GFRA3: variants seen among roughly 807,000 people sequenced by gnomAD.
GFRA3 encodes GDNF family receptor alpha-3.
A neutral mutation model predicts 40.0 loss-of-function variants in GFRA3; 24 were observed. The ratio of observed to expected loss-of-function variants is 0.60; its 90% CI spans 0.43 to 0.84. The LOEUF is 0.84. GFRA3 is among the 40% of genes least tolerant of loss of function. GFRA3 has a pLI of 0.00. For missense variants in GFRA3, 405 were observed against 530.6 expected (o/e 0.76, Z 2.33); for synonymous variants, 203 against 213.5 (o/e 0.95, Z 0.43).
intron 1 of GFRA3, among the ~76,000 whole-genome samples, chr5:138,271,892 G>GTTTTTTTT (rs772736464): frequency 8.4e-5 from 5 of 59,698 alleles, no homozygotes; most frequent in Non-Finnish European, 1.1e-4. Context: ...TTTCTTTTCT[G>GTTTTTTTT]TTTTTTTTTT....
intron 1 of GFRA3, among the ~76,000 whole-genome samples, chr5:138,274,039 CTG>C (rs774368609): frequency 1.1e-4 from 16 of 152,138 alleles, no homozygotes; most frequent in African/African-American, 1.4e-4. Flanking sequence ...GTGGGTTGTT[CTG>C]TGACTGTGTA....
rs938916231 is a variant in GFRA3, at chr5:138,258,753, G to A, written c.473-802C>T. On this transcript the variant is annotated intron_variant, in intron 3 of 7. Transcript: ENST00000274721. ...TTTTGGCTTCGTCTGCACCTATCCT[G>A]TTCCATTTTAATGTCACCTGCCCAT... 4.6e-4 allele frequency among the ~76,000 whole-genome samples: 70 copies of A among 152,090 alleles called. 1 individual carries two copies. Among genetic ancestry groups the A allele is most frequent in the African/African-American group, 1.6e-3 (67 of 41,422 alleles).
Position 138,257,704 on chromosome 5 carries a change from C to G in GFRA3, c.720G>C (p.Ala240=). ...GGCAGTTGGGGGCCACAGGCGGCAG[C>G]GCGCAGTTGGGGGCGATGGTGTTGC... The part of the protein sequence containing the change: ...RRRNTIAPNC[A]LPPVAPNCLE... Residue 240 remains alanine, a synonymous_variant, in exon 4 of 8, where the codon GCG becomes GCC. Coordinates refer to ENST00000274721, the MANE Select transcript of GFRA3 (RefSeq NM_001496.4). 6.2e-7 allele frequency: 1 copy of G among 1,609,942 alleles called. No individual in the cohort carries two copies. Among genetic ancestry groups the G allele is most frequent in the Non-Finnish European group, 8.5e-7 (1 of 1,178,988 alleles).
At chr5:138,273,661 C>T (rs1755907250) in intron 1 of GFRA3, among the ~76,000 whole-genome samples, 1 of 152,154 alleles carries the variant, frequency 6.6e-6, no homozygotes, top group African/African-American at 2.4e-5. Context: ...TAATAAGATT[C>T]CACACACCCA....
chr5:138,266,700 T>A (rs1232347545), intron 1 of GFRA3, among the ~76,000 whole-genome samples: 1 of 152,042 alleles, frequency 6.6e-6, no homozygotes, highest in Non-Finnish European at 1.5e-5. Flanking sequence ...TCTTTTCTTT[T>A]TTTTTGAGTC....
chr5:138,262,946 T>G (rs1490091303), intron 2 of GFRA3, among the ~76,000 whole-genome samples: 1 of 151,972 alleles, frequency 6.6e-6, no homozygotes, highest in Non-Finnish European at 1.5e-5. Context: ...ATGTCATGTT[T>G]GTTTGTTTGT....
chr5:138,270,881 G>T (rs1366554298), intron 1 of GFRA3, among the ~76,000 whole-genome samples: 1 of 152,186 alleles, frequency 6.6e-6, no homozygotes, highest in Non-Finnish European at 1.5e-5. Context: ...GATTTAAAAA[G>T]ATTGAGGAAT....
chr5:138,271,629 G>A lies in GFRA3; in HGVS notation c.91+2705C>T, dbSNP rs144900913. On this transcript the variant is annotated intron_variant, in intron 1 of 7. Coordinates refer to ENST00000274721, the MANE Select transcript of GFRA3 (RefSeq NM_001496.4). ...TCTGTCACCCAGACTGGAGTGCAGT[G>A]GTACAATCGCCACTCACTGCAGCCT... Among the ~76,000 whole-genome samples the A allele has an allele frequency of 6.2e-4, 94 of 150,846 alleles. 9 individuals carry two copies. Among genetic ancestry groups the A allele is most frequent in the African/African-American group, 2.2e-3 (90 of 40,462 alleles).
intron 3 of GFRA3, among the ~76,000 whole-genome samples, chr5:138,258,543 CGA>C (rs1755668778): frequency 6.6e-6 from 1 of 152,078 alleles, no homozygotes; most frequent in Admixed American, 6.6e-5. Context: ...CTATATGCAT[CGA>C]ACACCCATTT....
rs767151661 is a variant in GFRA3, at chr5:138,264,326, C to T, written c.314G>A (p.Arg105Gln). The T allele has an allele frequency of 1.4e-5, 23 of 1,613,252 alleles. No individual in the cohort carries two copies. Among genetic ancestry groups the T allele is most frequent in the African/African-American group, 2.7e-5 (2 of 75,054 alleles). The change falls in exon 2 of 8, where the codon CGG becomes CAG. Residue 105 changes from arginine (R) to glutamine (Q), a missense_variant. Physicochemically the swap from Arg to Gln is conservative, Grantham distance 43. Transcript: ENST00000274721. ...GCAGGCAACCTGGTTCTTCATGCGC[C>T]GGTGGCACATGCAGCCTATCAGAGA... ...NSSLIGCMCH[R>Q]RMKNQVACLD...
Position 138,256,511 on chromosome 5 carries a change from G to A in GFRA3, c.785+1128C>T, listed in dbSNP as rs1232199410. Among the ~76,000 whole-genome samples the A allele has an allele frequency of 4.1e-5, 6 of 145,786 alleles. No homozygotes were observed. The East Asian group carries it at 1.0e-3, about 24-fold the overall frequency. ...CCACTGCACTCCAGCCTGGATGACA[G>A]AGAGAGACTCCATCTCAAAAAAAAC... On this transcript the variant is annotated intron_variant, in intron 4 of 7. Transcript: ENST00000274721.
At chr5:138,253,967 C>A (rs1347673585) in intron 5 of GFRA3, 67 bp from the exon 6 acceptor site, 2 of 1,584,190 alleles carry the variant, frequency 1.3e-6, no homozygotes, top group African/African-American at 2.7e-5. Context: ...CTTCTTCCAC[C>A]CATGTCAGGA....
intron 2 of GFRA3, among the ~76,000 whole-genome samples, chr5:138,261,167 T>C (rs1289188173): frequency 3.3e-5 from 5 of 152,214 alleles, no homozygotes; most frequent in African/African-American, 1.2e-4. Context: ...GCAGTCTTCA[T>C]TATGCAGTGG....
chr5:138,260,774 A>C lies in GFRA3; in HGVS notation c.380-1125T>G, dbSNP rs539118377. On this transcript the variant is annotated intron_variant, in intron 2 of 7. Coordinates refer to ENST00000274721, the MANE Select transcript of GFRA3 (RefSeq NM_001496.4). ...ACAGTGAGTCTCCATCTGAAAAAAA[A>C]AAAATGCAACTGGGAGGCTGAGGCA... is the stretch of plus-strand genomic sequence containing the variant. Among the ~76,000 whole-genome samples the C allele has an allele frequency of 6.6e-5, 10 of 151,236 alleles. No homozygotes were observed. The East Asian group carries it at 1.9e-3, about 29-fold the overall frequency.
chr5:138,252,963 TC>T lies in GFRA3; in HGVS notation c.*4del. ...GGAGGGGAAGAGGGCCCTGGGGAAG[TC>T]CAGCTACCATAGGCTCAGGAGCAGA... is the stretch of plus-strand genomic sequence containing the variant. On this transcript the variant is annotated 3_prime_UTR_variant, in exon 8 of 8. Coordinates refer to ENST00000274721, the MANE Select transcript of GFRA3 (RefSeq NM_001496.4). 1 of 1,557,248 alleles carries T rather than the reference TC, an allele frequency of 6.4e-7. No individual in the cohort carries two copies. The highest frequency in any genetic ancestry group is 1.1e-5 in the South Asian group (1 of 89,640).
rs573326772 is a variant in GFRA3 at position 138,274,435 on chromosome 5, A to C, written c.-11T>G. On this transcript the variant is annotated 5_prime_UTR_variant, in exon 1 of 8. Transcript: ENST00000274721. Reference sequence around the variant, plus strand: ...CAGGGGGCGCACCATGGCGAGCTGTAGGCGCCGGGCTCCGCGCTCCCCTCG... The same window carrying C: ...CAGGGGGCGCACCATGGCGAGCTGTCGGCGCCGGGCTCCGCGCTCCCCTCG... 7.7e-7 allele frequency: 1 copy of C among 1,297,434 alleles called. No individual in the cohort carries two copies. 80.4% of individuals were successfully genotyped at this position (1,297,434 alleles called of 1,614,324 possible).
rs1158869454 is a variant in GFRA3 at position 138,254,137 on chromosome 5, G to A, written c.809C>T (p.Thr270Ile). The change falls in exon 5 of 8, where the codon ACC becomes ATC. Residue 270 changes from threonine (T) to isoleucine (I), a missense_variant. By Grantham distance (89) the Thr-to-Ile change is moderately conservative. Transcript: ENST00000274721. The part of the protein sequence containing the change: ...LCRSRLVDFQ[T>I]HCHPMDILGT... Reference sequence around the variant, plus strand: ...TAGGATGTCCATGGGATGGCAGTGGGTCTGGAAATCCACCAGGCGTGATCT... The same window carrying A: ...TAGGATGTCCATGGGATGGCAGTGGATCTGGAAATCCACCAGGCGTGATCT... 6.2e-7 allele frequency: 1 copy of A among 1,607,190 alleles called. No homozygotes were observed. The highest frequency in any genetic ancestry group is 8.5e-7 in the Non-Finnish European group (1 of 1,174,044).
chr5:138,253,502 G>T, intron 6 of GFRA3, 127 bp from the exon 7 acceptor site: 1 of 716,684 alleles, frequency 1.4e-6, no homozygotes. Context: ...GGAGGTGGAA[G>T]TGGGATACTC....
chr5:138,265,691 CCTT>C (rs1200764261), intron 1 of GFRA3, among the ~76,000 whole-genome samples: 6 of 150,228 alleles, frequency 4.0e-5, no homozygotes, highest in African/African-American at 1.2e-4. Context: ...TTCTCCTTCT[CCTT>C]CTTCTCCTTT....
Sources: gnomAD v4.1 joint callset for allele counts (sites outside exome capture counted in the v4.1 genomes callset) on GRCh38, gnomAD v4.1.1 for gene constraint, MANE v1.5 for transcripts, NCBI Gene and HGNC (gene_info 2026-07-23, HGNC 2026-07-21) for gene names.